Variants in RAI14 observed in about 807,000 individuals in gnomAD.
RAI14 encodes the protein ankycorbin.
RAI14 carries 45 observed loss-of-function variants against 115.4 expected under a neutral mutation model. The observed-to-expected ratio is 0.39, with a 90% CI of 0.31 to 0.50. The LOEUF is 0.50. Ranked by LOEUF, RAI14 falls within the 20% of genes least tolerant of loss-of-function variation. RAI14 has a pLI of 0.85. For missense variants in RAI14, 939 were observed against 1,131.2 expected, an observed-to-expected ratio of 0.83 and a Z score of 2.44; for synonymous variants, 371 against 415.4, an observed-to-expected ratio of 0.89 and a Z score of 1.30.
At chr5:34,680,345 C>CA (rs1310305106) in intron 1 of RAI14, among the ~76,000 whole-genome samples, 1 of 152,134 alleles carries the variant, frequency 6.6e-6, no homozygotes, top group African/African-American at 2.4e-5. Flanking sequence ...TGGTCCCTAG[C>CA]AAGGGACATC....
At position 34,824,055 on chromosome 5, in the gene RAI14, C is replaced by T; in HGVS notation, c.2213C>T (p.Thr738Ile). ...ATCACAGAACATTTGCAAGTGATAACCACGCTGCGGACTGCAGCAAAAGAG... is the reference window on the plus strand; with the variant it reads ...ATCACAGAACATTTGCAAGTGATAATCACGCTGCGGACTGCAGCAAAAGAG... ...VSITEHLQVITTLRTAAKEME... is the reference protein window; with the variant it reads ...VSITEHLQVIITLRTAAKEME... Residue 738 changes from threonine to isoleucine, a missense_variant, in exon 15 of 18, where the codon ACC (threonine) becomes ATC (isoleucine). Physicochemically the swap from Thr to Ile is moderately conservative, Grantham distance 89. Transcript: ENST00000265109. 6.2e-7 allele frequency: 1 copy of T among 1,614,066 alleles called. No individual in the cohort carries two copies. The highest frequency in any genetic ancestry group is 8.5e-7 in the Non-Finnish European group (1 of 1,179,940).
intron 3 of RAI14, among the ~76,000 whole-genome samples, chr5:34,778,631 G>C (rs1314923727): frequency 6.6e-6 from 1 of 151,984 alleles, no homozygotes; most frequent in East Asian, 1.9e-4. Context: ...TCTAAATGAA[G>C]ATGTAGGCGG....
At chr5:34,718,025 AG>A (rs1380130664) in intron 2 of RAI14, among the ~76,000 whole-genome samples, 1 of 151,850 alleles carries the variant, frequency 6.6e-6, no homozygotes, top group Non-Finnish European at 1.5e-5. Context: ...GATGGAGAAA[AG>A]CTCATTCTCT....
chr5:34,763,032 A>G (rs1008362937), intron 3 of RAI14, among the ~76,000 whole-genome samples: 2 of 151,676 alleles, frequency 1.3e-5, no homozygotes, highest in Non-Finnish European at 2.9e-5. Context: ...CTTTTTGGCT[A>G]TGAAAGCAAG....
At chr5:34,752,157 C>A (rs1474542726) in intron 2 of RAI14, among the ~76,000 whole-genome samples, 1 of 152,036 alleles carries the variant, frequency 6.6e-6, no homozygotes, top group African/African-American at 2.4e-5. Flanking sequence ...AAAGTATTTG[C>A]ATGATTAAAA....
In RAI14 at chr5:34,789,096, A is replaced by G. The variant is rs183731738; in HGVS notation, c.168-6843A>G. ...TTGCCAGCTATCCAGGACACAGGCC[A>G]TGAGAGGGCACCAGTCATGCTCTTA... On this transcript the variant is annotated intron_variant, in intron 3 of 17. Coordinates refer to ENST00000265109, the MANE Select transcript of RAI14 (RefSeq NM_015577.3). Among the ~76,000 whole-genome samples, 302 of 152,314 alleles carry G rather than the reference A, an allele frequency of 2.0e-3. 5 individuals are homozygous for G. The highest frequency in any genetic ancestry group is 6.6e-3 in the African/African-American group (274 of 41,578).
At chr5:34,681,389 T>C (rs1193508499) in intron 1 of RAI14, among the ~76,000 whole-genome samples, 1 of 152,240 alleles carries the variant, frequency 6.6e-6, no homozygotes, top group African/African-American at 2.4e-5. Flanking sequence ...ATGTCCTTTT[T>C]AACTTGGAAG....
chr5:34,709,711 T>A (rs1287634304), intron 2 of RAI14, among the ~76,000 whole-genome samples: 4 of 152,196 alleles, frequency 2.6e-5, no homozygotes, highest in Non-Finnish European at 5.9e-5. Context: ...TGAATACAAT[T>A]TTCTGGAGAG....
chr5:34,758,178 C>T lies in RAI14; in HGVS notation c.167+580C>T, dbSNP rs917649725. Among the ~76,000 whole-genome samples, 3 of 152,192 alleles carry T rather than the reference C, an allele frequency of 2.0e-5. No individual in the cohort carries two copies. In the South Asian group the frequency reaches 6.2e-4, roughly 32 times the overall value. ...ACTTTGGAGCCAGATAGACATCTCA[C>T]AGGAACTCTATCACTTACGAGTTGT... On this transcript the variant is annotated intron_variant, in intron 3 of 17. Transcript: ENST00000265109.
chr5:34,682,043 C>G (rs192346517), intron 1 of RAI14, among the ~76,000 whole-genome samples: 8 of 152,050 alleles, frequency 5.3e-5, no homozygotes, highest in African/African-American at 1.9e-4. Flanking sequence ...TTGGTAGAGA[C>G]AGGGTTTCAC....
intron 2 of RAI14, chr5:34,687,494 A>G: frequency 1.6e-6 from 2 of 1,258,590 alleles, no homozygotes; most frequent in African/African-American, 1.5e-5. Context: ...TCCATAAAAG[A>G]CTCTGGATTG....
chr5:34,735,006 T>C (rs1296956794), intron 2 of RAI14, among the ~76,000 whole-genome samples: 1 of 152,170 alleles, frequency 6.6e-6, no homozygotes, highest in Admixed American at 6.5e-5. Flanking sequence ...ACATGAAGGT[T>C]GAAAGATGCT....
chr5:34,822,504 A>G (rs1756965062), intron 14 of RAI14, among the ~76,000 whole-genome samples: 1 of 151,272 alleles, frequency 6.6e-6, no homozygotes, highest in Non-Finnish European at 1.5e-5. Context: ...ATAGAACCCA[A>G]AGCAAGCTTT....
chr5:34,684,805 G>A (rs905202411), intron 1 of RAI14: 2 of 152,186 alleles, frequency 1.3e-5, no homozygotes, highest in Non-Finnish European at 2.9e-5. Context: ...ATTAGGATGT[G>A]GGGGAATGTG....
intron 2 of RAI14, chr5:34,733,104 C>T (rs959175060): frequency 5.9e-5 from 9 of 152,032 alleles, no homozygotes; most frequent in African/African-American, 1.7e-4. Context: ...ATTCTATTTC[C>T]ATGATTTTTA....
At chr5:34,697,517 G>A (rs112404459) in intron 2 of RAI14, among the ~76,000 whole-genome samples, 3,655 of 152,044 alleles carry the variant, frequency 0.024, 146 homozygotes, top group African/African-American at 0.084. Flanking sequence ...TAACCAGTCA[G>A]GCTTTTCCTT....
chr5:34,707,754 T>G (rs1288259112), intron 2 of RAI14, among the ~76,000 whole-genome samples: 3 of 152,242 alleles, frequency 2.0e-5, no homozygotes, highest in Non-Finnish European at 2.9e-5. Flanking sequence ...TAATCTCTAC[T>G]AATTGAGAAC....
At chr5:34,815,387 A>G (rs1756106847) in intron 12 of RAI14, among the ~76,000 whole-genome samples, 1 of 151,844 alleles carries the variant, frequency 6.6e-6, no homozygotes, top group Non-Finnish European at 1.5e-5. Flanking sequence ...CTCAAAAAAA[A>G]AAAAAGAAAA....
rs1756531180 is a variant in RAI14 at position 34,818,798 on chromosome 5, C to G, written c.941C>G (p.Ala314Gly). 3 of 1,608,136 alleles carry G rather than the reference C, an allele frequency of 1.9e-6. No individual in the cohort carries two copies. Among genetic ancestry groups the G allele is most frequent in the Admixed American group, 1.7e-5 (1 of 59,380 alleles). Residue 314 changes from alanine to glycine, a missense_variant and splice_region_variant, in exon 13 of 18, where the codon GCT (alanine) becomes GGT (glycine). Physicochemically the swap from Ala to Gly is moderately conservative, Grantham distance 60. Transcript: ENST00000265109. Reference protein sequence around the residue: ...SVFFAEPPFKAEISSIRENKD... With the variant: ...SVFFAEPPFKGEISSIRENKD... ...TAAGTCATTTTTGTGTTTCAATAGG[C>G]TGAGATCAGTTCTATACGAGAAAAC...
Sources: allele counts gnomAD v4.1 joint callset (sites outside exome capture counted in the v4.1 genomes callset), GRCh38; gene constraint gnomAD v4.1.1; transcripts MANE v1.5; gene names NCBI Gene and HGNC (gene_info 2026-07-23, HGNC 2026-07-21).